The following MAML3 variants were observed in gnomAD, a reference collection of about 807,000 sequenced individuals.
The protein encoded by MAML3 is mastermind like transcriptional coactivator 3, also known as mastermind-like protein 3.
MAML3 carries 27 observed loss-of-function variants against 101.9 expected under a neutral mutation model. The ratio of observed to expected loss-of-function variants is 0.27; its 90% confidence interval spans 0.20 to 0.37. The LOEUF (loss-of-function observed/expected upper bound fraction) is 0.37, where lower values mean the gene tolerates loss of function less well. MAML3 is among the 10% of genes least tolerant of loss of function. MAML3 has a pLI of 1.00. For synonymous variants in MAML3, 501 were observed against 555.9 expected, an observed-to-expected ratio of 0.90 and a Z score of 1.39; for missense variants, 1,316 against 1,444.9, an observed-to-expected ratio of 0.91 and a Z score of 1.45.
chr4:139,845,245 G>A (rs1457383338), intron 2 of MAML3, among the ~76,000 whole-genome samples: 1 of 152,184 alleles, frequency 6.6e-6, no homozygotes, highest in Non-Finnish European at 1.5e-5. Flanking sequence ...AGAAGTGAGG[G>A]TGGTGACAGA....
intron 1 of MAML3, among the ~76,000 whole-genome samples, chr4:140,044,531 A>G (rs947355826): frequency 2.0e-5 from 3 of 152,182 alleles, no homozygotes; most frequent in African/African-American, 7.2e-5. Flanking sequence ...AAATAAATAC[A>G]TGCCAGTTTT....
intron 1 of MAML3, among the ~76,000 whole-genome samples, chr4:140,008,974 C>T (rs1286948560): frequency 6.6e-6 from 1 of 152,172 alleles, no homozygotes; most frequent in Non-Finnish European, 1.5e-5. Flanking sequence ...ATCTTAAAAC[C>T]TTTGCATATC....
At chr4:140,020,294 G>A (rs1726711093) in intron 1 of MAML3, among the ~76,000 whole-genome samples, 1 of 152,092 alleles carries the variant, frequency 6.6e-6, no homozygotes, top group African/African-American at 2.4e-5. Flanking sequence ...TTCTAGGTGG[G>A]GGTGGCAGAA....
At chr4:139,781,662 C>T (rs1730218208) in intron 2 of MAML3, among the ~76,000 whole-genome samples, 1 of 152,000 alleles carries the variant, frequency 6.6e-6, no homozygotes, top group African/African-American at 2.4e-5. Flanking sequence ...TGGTAAAACA[C>T]TCGGGCTTCA....
intron 1 of MAML3, among the ~76,000 whole-genome samples, chr4:140,075,458 G>C (rs557198338): frequency 2.6e-5 from 4 of 152,144 alleles, no homozygotes; most frequent in Non-Finnish European, 4.4e-5. Context: ...TTTCCTCATA[G>C]AGCGTTATAA....
At chr4:139,834,862 C>G (rs757188185) in intron 2 of MAML3, among the ~76,000 whole-genome samples, 1 of 152,098 alleles carries the variant, frequency 6.6e-6, no homozygotes, top group Non-Finnish European at 1.5e-5. Context: ...AGGGTTAAGT[C>G]TAGTTAGAGA....
intron 2 of MAML3, among the ~76,000 whole-genome samples, chr4:139,791,956 G>A (rs913691464): frequency 6.6e-6 from 1 of 152,236 alleles, no homozygotes; most frequent in East Asian, 1.9e-4. Flanking sequence ...CCATCTGTTA[G>A]TGGTGCTGGA....
chr4:139,836,711 G>T (rs918018349), intron 2 of MAML3, among the ~76,000 whole-genome samples: 2 of 151,988 alleles, frequency 1.3e-5, no homozygotes, highest in African/African-American at 4.8e-5. Flanking sequence ...TGGAGAGCCC[G>T]GGCCTATGTT....
At chr4:139,838,777 AT>A (rs951843800) in intron 2 of MAML3, among the ~76,000 whole-genome samples, 1 of 152,118 alleles carries the variant, frequency 6.6e-6, no homozygotes, top group Non-Finnish European at 1.5e-5. Context: ...AACTTTTATT[AT>A]TATTATTGTT....
At chr4:140,023,503 C>T (rs1726770763) in intron 1 of MAML3, among the ~76,000 whole-genome samples, 1 of 152,106 alleles carries the variant, frequency 6.6e-6, no homozygotes, top group Non-Finnish European at 1.5e-5. Context: ...TCCTTTATGC[C>T]CAAGCGAAGT....
chr4:140,113,464 T>C (rs1399073026), intron 1 of MAML3, among the ~76,000 whole-genome samples: 1 of 152,168 alleles, frequency 6.6e-6, no homozygotes, highest in Admixed American at 6.5e-5. Flanking sequence ...CTTCTTGTCA[T>C]GGACCACTAG....
chr4:139,975,267 A>G (rs1430351628), intron 1 of MAML3, among the ~76,000 whole-genome samples: 1 of 152,044 alleles, frequency 6.6e-6, no homozygotes, highest in Admixed American at 6.6e-5. Context: ...CACTTCAAGC[A>G]TTTTCACATG....
At chr4:140,071,775 G>GAGAGAGAGAGAGAGAGAGAGAA (rs1727659244) in intron 1 of MAML3, among the ~76,000 whole-genome samples, 1 of 151,862 alleles carries the variant, frequency 6.6e-6, no homozygotes, top group African/African-American at 2.4e-5. Flanking sequence ...GAGAGAGAGA[G>GAGAGAGAGAGAGAGAGAGAGAA]AGAGAGAGAG....
intron 4 of MAML3, among the ~76,000 whole-genome samples, chr4:139,723,908 A>G (rs1050269448): frequency 2.0e-5 from 3 of 152,240 alleles, no homozygotes; most frequent in African/African-American, 7.2e-5. Flanking sequence ...TTACTGAATC[A>G]GAAACACTGT....
chr4:139,761,152 G>A (rs1461137393), intron 2 of MAML3, among the ~76,000 whole-genome samples: 1 of 152,096 alleles, frequency 6.6e-6, no homozygotes, highest in African/African-American at 2.4e-5. Context: ...TAGAGATGGG[G>A]TTTCACCATG....
intron 1 of MAML3, among the ~76,000 whole-genome samples, chr4:140,112,192 ATTTAT>A (rs1728449750): frequency 6.6e-6 from 1 of 152,110 alleles, no homozygotes; most frequent in African/African-American, 2.4e-5. Context: ...TCATTACCAT[ATTTAT>A]TTTGATGGTT....
At chr4:139,839,989 C>A (rs1731332302) in intron 2 of MAML3, among the ~76,000 whole-genome samples, 1 of 152,156 alleles carries the variant, frequency 6.6e-6, no homozygotes, top group African/African-American at 2.4e-5. Context: ...TGTGTGAATT[C>A]AAGTGAGTGG....
rs879862503 is a variant in MAML3 at position 140,012,011 on chromosome 4, C to CA, written c.469-121045dup. Reference sequence around the variant, plus strand: ...TACATTACAGAAGTGATCTAAATCTCAAAAAAAAAAAAAGTCTACAGATGT... The same window carrying CA: ...TACATTACAGAAGTGATCTAAATCTCAAAAAAAAAAAAAAGTCTACAGATGT... On this transcript the variant is annotated intron_variant, in intron 1 of 4. Coordinates refer to ENST00000509479, the MANE Select transcript of MAML3 (RefSeq NM_018717.5). 8.4e-3 allele frequency among the ~76,000 whole-genome samples: 1,124 copies of CA among 133,442 alleles called. 11 individuals carry two copies. Among genetic ancestry groups the CA allele is most frequent in the East Asian group, 0.057 (267 of 4,706 alleles). 87.5% of individuals were successfully genotyped at this position (133,442 alleles called of 152,430 possible).
chr4:139,975,617 G>T (rs182705738), intron 1 of MAML3, among the ~76,000 whole-genome samples: 4 of 152,246 alleles, frequency 2.6e-5, no homozygotes, highest in Admixed American at 2.6e-4. Context: ...AGGGGGTTTT[G>T]TCTGCTTTAT....
Sources: allele counts gnomAD v4.1 joint callset (sites outside exome capture counted in the v4.1 genomes callset), GRCh38; gene constraint gnomAD v4.1.1; transcripts MANE v1.5; gene names NCBI Gene and HGNC (gene_info 2026-07-23, HGNC 2026-07-21).